CAND2: variants seen among roughly 807,000 people sequenced by gnomAD.
CAND2 encodes cullin associated and neddylation dissociated 2 (putative), also known as cullin-associated NEDD8-dissociated protein 2.
Under a neutral mutation model 98.9 loss-of-function variants are expected in CAND2, and 62 were observed. The observed-to-expected ratio is 0.63, with a 90% CI of 0.51 to 0.77. The LOEUF is 0.77. Ranked by LOEUF, CAND2 falls within the 30% of genes least tolerant of loss-of-function variation. The pLI is 0.00. For synonymous variants in CAND2, 770 were observed against 731.9 expected (o/e 1.05, Z -0.84); for missense variants, 1,501 against 1,655.2 (o/e 0.91, Z 1.62).
At chr3:12,825,163 T>G (rs1212410218) in intron 11 of CAND2, among the ~76,000 whole-genome samples, 1 of 152,118 alleles carries the variant, frequency 6.6e-6, no homozygotes, top group Non-Finnish European at 1.5e-5. Flanking sequence ...TTTTAAATTC[T>G]AAAGACAGTC....
Position 12,816,714 on chromosome 3 carries a change from C to T in CAND2, c.1782C>T (p.Cys594=). ...AGGTGAAGGAGCGGGCCATTTCCTG[C>T]ATGGGCCACCTTGTAGGCCACCTGG... ...DQEVKERAIS[C]MGHLVGHLGD... The change falls in exon 10 of 15, where the codon TGC becomes TGT. Residue 594 remains cysteine, a synonymous_variant. Coordinates refer to ENST00000456430, the MANE Select transcript of CAND2 (RefSeq NM_001162499.2). 1 of 1,613,682 alleles carries T rather than the reference C, an allele frequency of 6.2e-7. No individual in the cohort carries two copies. Among genetic ancestry groups the T allele is most frequent in the Non-Finnish European group, 8.5e-7 (1 of 1,180,038 alleles).
intron 1 of CAND2, among the ~76,000 whole-genome samples, chr3:12,797,759 G>A (rs893526169): frequency 2.8e-5 from 3 of 109,030 alleles, no homozygotes; most frequent in African/African-American, 1.6e-4. Context: ...GACATGAAGG[G>A]CGTAGGTTCA....
At chr3:12,818,064 C>T (rs909512847) in intron 10 of CAND2, among the ~76,000 whole-genome samples, 188 bp downstream of exon 10, 6 of 152,188 alleles carry the variant, frequency 3.9e-5, no homozygotes, top group African/African-American at 7.2e-5. Flanking sequence ...AGCCTTCCTC[C>T]TATGGGACTG....
intron 13 of CAND2, 142 bp from the exon 14 acceptor site, chr3:12,831,323 G>C (rs2062052070): frequency 1.4e-6 from 1 of 690,404 alleles, no homozygotes; most frequent in Non-Finnish European, 2.6e-6. Context: ...GACCCAGAGA[G>C]GGAGAGACTC....
chr3:12,815,885 G>T lies in CAND2; in HGVS notation c.1318G>T (p.Ala440Ser). The T allele has an allele frequency of 6.2e-7, 1 of 1,613,730 alleles. No homozygotes were observed. The highest frequency in any genetic ancestry group is 2.2e-5 in the East Asian group (1 of 44,882). The stretch of plus-strand genomic sequence containing the variant: ...CCCACAGGTGCCCCTTGTGGTCAAG[G>T]CCCTGCAGCGGCAGCTTAAAGATCG... ...LRGQVPLVVK[A>S]LQRQLKDRSV... The change falls in exon 9 of 15, where the codon GCC (alanine) becomes TCC (serine). Residue 440 changes from alanine (A) to serine (S), a missense_variant. Around this residue, in one of 3 missense-constraint regions of CAND2, gnomAD observed 1,427 missense variants for 1,545.3 expected, o/e 0.92. Coordinates refer to ENST00000456430, the MANE Select transcript of CAND2 (RefSeq NM_001162499.2). This position sits in a 1 kb window ranked among gnomAD's most constrained non-coding sequence, Gnocchi z 5.7.
chr3:12,828,852 C>T (rs549171344), intron 13 of CAND2, among the ~76,000 whole-genome samples: 2 of 152,222 alleles, frequency 1.3e-5, no homozygotes, highest in South Asian at 4.1e-4. Context: ...CAACTTGTTT[C>T]ACTTAGTCTG....
intron 2 of CAND2, among the ~76,000 whole-genome samples, chr3:12,805,043 C>T (rs979546506): frequency 9.9e-5 from 15 of 152,146 alleles, no homozygotes; most frequent in Admixed American, 9.2e-4. Flanking sequence ...ATTATAAAAC[C>T]TACCTCTACA....
chr3:12,823,627 G>A (rs1171467148), intron 11 of CAND2, among the ~76,000 whole-genome samples: 3 of 152,208 alleles, frequency 2.0e-5, no homozygotes, highest in Non-Finnish European at 4.4e-5. Flanking sequence ...TACTCAGGAG[G>A]CTTGAGGCAG....
At chr3:12,821,986 T>A (rs1363195332) in intron 11 of CAND2, among the ~76,000 whole-genome samples, 3 of 152,208 alleles carry the variant, frequency 2.0e-5, no homozygotes, top group Non-Finnish European at 4.4e-5. Flanking sequence ...TAAACATCCT[T>A]GTTCTCATCA....
At chr3:12,806,730 C>T (rs2061808938) in intron 2 of CAND2, among the ~76,000 whole-genome samples, 1 of 152,198 alleles carries the variant, frequency 6.6e-6, no homozygotes, top group South Asian at 2.1e-4. Flanking sequence ...ACCTGGGGAC[C>T]TTGTGGCGCT....
Position 12,827,454 on chromosome 3 carries a change from C to A in CAND2, c.3225C>A (p.Pro1075=). The A allele has an allele frequency of 6.2e-7, 1 of 1,613,616 alleles. No homozygotes were observed. Among genetic ancestry groups the A allele is most frequent in the Non-Finnish European group, 8.5e-7 (1 of 1,179,740 alleles). ...RDLIREVEMG[P]FKHTVDDGLD... ...CCCTCCTGCAGGTGGAGATGGGGCC[C>A]TTTAAACATACAGTGGACGATGGGC... The change falls in exon 13 of 15, where the codon CCC becomes CCA. Residue 1075 remains proline, a synonymous_variant. Transcript: ENST00000456430.
At chr3:12,810,441 C>T (rs2061843325) in intron 5 of CAND2, 117 bp downstream of exon 5, 3 of 1,071,864 alleles carry the variant, frequency 2.8e-6, no homozygotes, top group Middle Eastern at 3.2e-4. Flanking sequence ...TAAGGGTGGG[C>T]CGTCTGCCTT....
Position 12,815,718 on chromosome 3 carries a change from C to A in CAND2, c.1300-149C>A. On this transcript the variant is annotated intron_variant, in intron 8 of 14. Coordinates refer to ENST00000456430, the MANE Select transcript of CAND2 (RefSeq NM_001162499.2). This position sits in a 1 kb window ranked among gnomAD's most constrained non-coding sequence, Gnocchi z 5.7. ...AGGGTCTGTGTGCGGTCACCAAAAGCCTGGCACAGAGTGAGGGACGAGTGC... is the reference window on the plus strand; with the variant it reads ...AGGGTCTGTGTGCGGTCACCAAAAGACTGGCACAGAGTGAGGGACGAGTGC... 6 of 821,354 alleles carry A rather than the reference C, an allele frequency of 7.3e-6. No homozygotes were observed. Among genetic ancestry groups the A allele is most frequent in the South Asian group, 7.1e-5 (4 of 56,124 alleles). The allele number at this position is 821,354 out of a possible 1,614,324, so 50.9% of individuals were successfully genotyped here. A position where few individuals can be genotyped will look rare whatever the true frequency, so the allele number is the denominator to read the frequency against.
At chr3:12,832,092 C>A (rs917468398) in intron 14 of CAND2, 3 of 152,406 alleles carry the variant, frequency 2.0e-5, no homozygotes, top group African/African-American at 7.2e-5. Context: ...CTAGTAAATA[C>A]CTGTTGAATG....
intron 11 of CAND2, among the ~76,000 whole-genome samples, chr3:12,823,144 A>C (rs2061970845): frequency 1.3e-5 from 2 of 152,224 alleles, no homozygotes; most frequent in South Asian, 4.1e-4. Flanking sequence ...GCTGACTCTT[A>C]TCTCTGTGAA....
intron 14 of CAND2, among the ~76,000 whole-genome samples, chr3:12,832,003 G>A (rs2062057438): frequency 6.6e-6 from 1 of 152,242 alleles, no homozygotes; most frequent in Non-Finnish European, 1.5e-5. Flanking sequence ...TGCCTGAAGG[G>A]TCTGGAGGAG....
At position 12,817,330 on chromosome 3, in the gene CAND2, G is replaced by A; in HGVS notation, c.2398G>A (p.Val800Met). Residue 800 changes from valine (V) to methionine (M), a missense_variant, in exon 10 of 15, where the codon GTG becomes ATG. Transcript: ENST00000456430. ...VDGGPGLHKQ[V>M]FHSLARCVAA... is the part of the protein sequence containing the mutation. ...TGGTGGGCCTGGCCTGCACAAGCAG[G>A]TGTTCCACTCATTGGCCCGGTGTGT... is the stretch of plus-strand genomic sequence containing the variant. 3 of 1,613,970 alleles carry A rather than the reference G, an allele frequency of 1.9e-6. No individual in the cohort carries two copies. Among genetic ancestry groups the A allele is most frequent in the Non-Finnish European group, 2.5e-6 (3 of 1,180,030 alleles).
intron 1 of CAND2, among the ~76,000 whole-genome samples, chr3:12,800,548 C>G (rs1009339131): frequency 1.3e-5 from 2 of 152,150 alleles, no homozygotes; most frequent in Non-Finnish European, 2.9e-5. Flanking sequence ...AGACTCCGCT[C>G]TCACATGCCT....
At chr3:12,819,423 G>A (rs1212090308) in intron 10 of CAND2, among the ~76,000 whole-genome samples, 2 of 152,240 alleles carry the variant, frequency 1.3e-5, no homozygotes, top group Admixed American at 6.5e-5. Flanking sequence ...CGCAGGTGGA[G>A]CGTCCACCCA....
Sources: allele counts gnomAD v4.1 joint callset (sites outside exome capture counted in the v4.1 genomes callset), GRCh38; gene constraint gnomAD v4.1.1; regional missense constraint gnomAD v4.1.1; non-coding constraint Gnocchi (gnomAD v3.1); transcripts MANE v1.5; gene names NCBI Gene and HGNC (gene_info 2026-07-23, HGNC 2026-07-21).